The following CLTCL1 variants were observed in gnomAD, a reference collection of about 807,000 sequenced individuals.
CLTCL1 encodes clathrin heavy chain like 1, also known as clathrin heavy chain 2.
CLTCL1 carries 159 observed loss-of-function variants against 190.0 expected under a neutral mutation model. The observed-to-expected ratio is 0.84, with a 90% CI of 0.74 to 0.95. CLTCL1 has a LOEUF of 0.95. Ranked by LOEUF, CLTCL1 falls within the 40% of genes least tolerant of loss-of-function variation. The pLI is 0.00. For synonymous variants in CLTCL1, 752 were observed against 769.6 expected, an observed-to-expected ratio of 0.98 and a Z score of 0.38; for missense variants, 1,878 against 2,033.4, an observed-to-expected ratio of 0.92 and a Z score of 1.47.
At chr22:19,230,888 T>G (rs914399026) in intron 10 of CLTCL1, among the ~76,000 whole-genome samples, 1 of 152,120 alleles carries the variant, frequency 6.6e-6, no homozygotes, top group Non-Finnish European at 1.5e-5. Flanking sequence ...CCACTCTCAA[T>G]GTCGGGGAAC....
intron 1 of CLTCL1, among the ~76,000 whole-genome samples, chr22:19,288,170 C>T (rs1456082482): frequency 6.6e-6 from 1 of 152,154 alleles, no homozygotes; most frequent in Admixed American, 6.5e-5. Context: ...GTTGCAGCAT[C>T]ACAGAGTTTG....
At chr22:19,282,941 G>A (rs536549314) in intron 1 of CLTCL1, among the ~76,000 whole-genome samples, 6 of 147,338 alleles carry the variant, frequency 4.1e-5, no homozygotes, top group African/African-American at 7.5e-5. Flanking sequence ...GCACCATCTC[G>A]GCTCATTGCA....
At chr22:19,252,461 A>C (rs2096379) in intron 3 of CLTCL1, among the ~76,000 whole-genome samples, 1 of 152,212 alleles carries the variant, frequency 6.6e-6, no homozygotes, top group African/African-American at 2.4e-5. Flanking sequence ...TCCAAAGTGC[A>C]CTTTAATAGC....
chr22:19,274,788 G>A (rs1308158601), intron 2 of CLTCL1, among the ~76,000 whole-genome samples: 9 of 148,402 alleles, frequency 6.1e-5, no homozygotes, highest in Admixed American at 2.7e-4. Context: ...GGAGTGCAAT[G>A]GCGCGATCTC....
chr22:19,205,718 T>C (rs2146354315), intron 22 of CLTCL1, among the ~76,000 whole-genome samples: 1 of 152,384 alleles, frequency 6.6e-6, no homozygotes, highest in East Asian at 1.9e-4. Context: ...ATGTATTAGC[T>C]GAACTGATAT....
intron 24 of CLTCL1, 76 bp downstream of exon 24, chr22:19,199,658 G>A (rs2084817625): frequency 9.2e-7 from 1 of 1,089,578 alleles, no homozygotes; most frequent in Non-Finnish European, 1.3e-6. Flanking sequence ...ACGAGCTAAG[G>A]GGATGACCGT....
intron 29 of CLTCL1, chr22:19,184,415 G>A (rs2084242500): frequency 8.8e-6 from 4 of 453,498 alleles, no homozygotes; most frequent in Middle Eastern, 6.9e-4. Context: ...CCGTTTGGGA[G>A]ACCCCTGAGG....
chr22:19,260,681 A>C (rs1331061659), intron 2 of CLTCL1, among the ~76,000 whole-genome samples: 2 of 146,264 alleles, frequency 1.4e-5, no homozygotes, highest in African/African-American at 5.0e-5. Context: ...TGGGAGGCTG[A>C]GGCAGGAGAA....
At chr22:19,183,176 A>T (rs1389271062) in intron 30 of CLTCL1, 2 of 547,292 alleles carry the variant, frequency 3.7e-6, no homozygotes, top group Non-Finnish European at 6.6e-6. Flanking sequence ...GCCAGTGGGC[A>T]CTCCCCATGA....
rs2085134090 is a variant in CLTCL1 at position 19,208,924 on chromosome 22, C to A, written c.3440G>T (p.Ser1147Ile). 4 of 1,603,840 alleles carry A rather than the reference C, an allele frequency of 2.5e-6. No homozygotes were observed. The highest frequency in any genetic ancestry group is 1.8e-4 in the Middle Eastern group (1 of 5,668). ...YLEVVQSASR[S>I]NNWEDLVKFL... is the part of the protein sequence containing the mutation. The stretch of plus-strand genomic sequence containing the variant: ...CTAGGGAGAGGGGACTCACTTACTG[C>A]TCCTGCTGGCTGACTGAACAACTTC... Residue 1147 changes from serine to isoleucine, a missense_variant and splice_region_variant, in exon 21 of 33, where the codon AGC becomes ATC. Ser to Ile is a moderately radical substitution (Grantham distance 142). Transcript: ENST00000427926.
chr22:19,254,041 G>GC lies in CLTCL1; in HGVS notation c.436_437insG (p.Thr146SerfsTer14), dbSNP rs1569227108. 1 of 1,612,148 alleles carries GC rather than the reference G, an allele frequency of 6.2e-7. No homozygotes were observed. Among genetic ancestry groups the GC allele is most frequent in the East Asian group, 2.2e-5 (1 of 44,844 alleles). ...AATCACCTGGCAGCCCACCAGACTG[G>GC]TATGTCTATCAAACATCTTCATGGG... is the stretch of plus-strand genomic sequence containing the variant. On this transcript the variant is annotated frameshift_variant, in exon 3 of 33. Coordinates refer to ENST00000427926, the MANE Select transcript of CLTCL1 (RefSeq NM_007098.4). LOFTEE classifies it high-confidence loss of function.
chr22:19,191,871 C>T (rs2084518163), intron 26 of CLTCL1, among the ~76,000 whole-genome samples: 1 of 152,176 alleles, frequency 6.6e-6, no homozygotes, highest in Non-Finnish European at 1.5e-5. Flanking sequence ...GTGACATCAC[C>T]AGAGCTTTTG....
chr22:19,252,594 T>A (rs2086625016), intron 3 of CLTCL1, among the ~76,000 whole-genome samples: 1 of 152,218 alleles, frequency 6.6e-6, no homozygotes, highest in African/African-American at 2.4e-5. Flanking sequence ...ATTGTGCAGA[T>A]ACACCTTCCC....
chr22:19,202,483 C>T (rs1425141145), intron 22 of CLTCL1, among the ~76,000 whole-genome samples: 5 of 127,114 alleles, frequency 3.9e-5, no homozygotes, highest in African/African-American at 1.5e-4. Context: ...TTGCCATCCA[C>T]GGTACCTCCC....
intron 1 of CLTCL1, among the ~76,000 whole-genome samples, chr22:19,281,592 C>A (rs2087717794): frequency 6.6e-6 from 1 of 152,166 alleles, no homozygotes; most frequent in African/African-American, 2.4e-5. Flanking sequence ...TATTGGTAAG[C>A]AATCATTCTT....
intron 7 of CLTCL1, 109 bp downstream of exon 7, chr22:19,234,397 CATA>C: frequency 1.0e-6 from 1 of 989,992 alleles, no homozygotes; most frequent in East Asian, 2.7e-5. Flanking sequence ...AAACTCCTAA[CATA>C]ACACTAATAG....
rs782746238 is a variant in CLTCL1 at position 19,209,125 on chromosome 22, T to C, written c.3250-11A>G. 6.3e-7 allele frequency: 1 copy of C among 1,576,732 alleles called. No individual in the cohort carries two copies. Among genetic ancestry groups the C allele is most frequent in the South Asian group, 1.2e-5 (1 of 86,474 alleles). On this transcript the variant is annotated splice_polypyrimidine_tract_variant and intron_variant, in intron 20 of 32. Transcript: ENST00000427926. ...GTGCTCGATCAGGACCTAGGGGTTA[T>C]GAGAGGACTTCCATTCTCTGCAACA...
intron 23 of CLTCL1, among the ~76,000 whole-genome samples, chr22:19,200,975 T>C (rs782314523): frequency 3.3e-5 from 5 of 152,252 alleles, no homozygotes; most frequent in African/African-American, 4.8e-5. Flanking sequence ...GATTCTGATA[T>C]TATCAGAGAG....
At chr22:19,193,336 G>A (rs1555933605) in intron 26 of CLTCL1, among the ~76,000 whole-genome samples, 1 of 152,234 alleles carries the variant, frequency 6.6e-6, no homozygotes, top group African/African-American at 2.4e-5. Context: ...GTTGAGGCCT[G>A]CAGGGACACA....
Sources: allele counts gnomAD v4.1 joint callset (sites outside exome capture counted in the v4.1 genomes callset), GRCh38; gene constraint gnomAD v4.1.1; transcripts MANE v1.5; gene names NCBI Gene and HGNC (gene_info 2026-07-23, HGNC 2026-07-21).